Variants in VPS33A observed in about 807,000 individuals in gnomAD.
The protein encoded by VPS33A is vacuolar protein sorting-associated protein 33A.
In VPS33A, 32 loss-of-function variants were observed where a neutral mutation model predicts 71.8. The ratio of observed to expected loss-of-function variants is 0.45; its 90% CI spans 0.34 to 0.60. VPS33A has a LOEUF of 0.60. VPS33A is among the 20% of genes least tolerant of loss of function. The pLI is 0.02. For missense variants in VPS33A, 625 were observed against 748.5 expected, an observed-to-expected ratio of 0.84 and a Z score of 1.92; for synonymous variants, 311 against 292.7, an observed-to-expected ratio of 1.06 and a Z score of -0.64.
chr12:122,245,435 C>A (rs926861330), intron 6 of VPS33A, among the ~76,000 whole-genome samples: 1 of 151,118 alleles, frequency 6.6e-6, no homozygotes, highest in Admixed American at 6.6e-5. Flanking sequence ...AAACTCTGTT[C>A]ACGTTCTGTT....
At chr12:122,251,990 G>C (rs552931278) in intron 4 of VPS33A, among the ~76,000 whole-genome samples, 1 of 152,076 alleles carries the variant, frequency 6.6e-6, no homozygotes, top group Admixed American at 6.6e-5. Context: ...AGGTGCAGTG[G>C]CTCATGGCTG....
chr12:122,265,718 G>A (rs1955059224), intron 1 of VPS33A: 1 of 454,566 alleles, frequency 2.2e-6, no homozygotes, highest in South Asian at 1.6e-5. Context: ...TAGGGTGACT[G>A]ATAAACCCTA....
intron 4 of VPS33A, among the ~76,000 whole-genome samples, chr12:122,251,920 T>TA (rs76806704): frequency 0.1 from 12,478 of 123,790 alleles, 1,679 homozygotes; most frequent in African/African-American, 0.31. Context: ...ACTTAAAGTA[T>TA]AAAAAAAAAA....
intron 4 of VPS33A, among the ~76,000 whole-genome samples, chr12:122,259,678 A>T (rs1954967209): frequency 6.6e-6 from 1 of 152,252 alleles, no homozygotes. Flanking sequence ...CTATTCAGCA[A>T]TAAGAAGGAA....
chr12:122,239,016 CA>C lies in VPS33A; in HGVS notation c.1165-293del, dbSNP rs1566039467. Among the ~76,000 whole-genome samples the C allele has an allele frequency of 5.5e-4, 84 of 151,616 alleles. 1 individual carries two copies. Among genetic ancestry groups the C allele is most frequent in the African/African-American group, 1.9e-3 (80 of 41,224 alleles). On this transcript the variant is annotated intron_variant, in intron 9 of 12. Transcript: ENST00000267199. Reference sequence around the variant, plus strand: ...ATACATACACACACACACACACACACACACACCCCCCAGTGATCAGGCCAAG... The same window carrying C: ...ATACATACACACACACACACACACACCACACCCCCCAGTGATCAGGCCAAG...
chr12:122,232,948 A>G lies in VPS33A; in HGVS notation c.1461T>C (p.Tyr487=), dbSNP rs755499729. The change falls in exon 12 of 13, where the codon TAT becomes TAC. Residue 487 remains tyrosine, a synonymous_variant. Transcript: ENST00000267199. The part of the protein sequence containing the change: ...VNEQNPTDIS[Y]VYSGYAPLSV... ...TGAGCGGGGCATACCCACTGTACAC[A>G]TACGATATGTCCGTGGGGTTCTGTG... 1.9e-6 allele frequency: 3 copies of G among 1,610,900 alleles called. No individual in the cohort carries two copies. Among genetic ancestry groups the G allele is most frequent in the Non-Finnish European group, 2.5e-6 (3 of 1,178,348 alleles).
At chr12:122,235,335 G>C (rs927391955) in intron 11 of VPS33A, among the ~76,000 whole-genome samples, 5 of 150,416 alleles carry the variant, frequency 3.3e-5, no homozygotes, top group African/African-American at 1.2e-4. Context: ...CATGATCTGA[G>C]CTCACTACAA....
At chr12:122,262,457 C>G (rs1354675339) in intron 3 of VPS33A, among the ~76,000 whole-genome samples, 1 of 152,196 alleles carries the variant, frequency 6.6e-6, no homozygotes, top group Non-Finnish European at 1.5e-5. Context: ...GACTCCCACT[C>G]CTACTCTCCT....
intron 2 of VPS33A, 28 bp downstream of exon 2, chr12:122,264,106 C>A: frequency 6.7e-7 from 1 of 1,496,868 alleles, no homozygotes; most frequent in Admixed American, 2.0e-5. Flanking sequence ...TTATTAATCC[C>A]CTAACAAAAC....
At chr12:122,235,287 CAG>C (rs1428879775) in intron 11 of VPS33A, among the ~76,000 whole-genome samples, 2 of 143,156 alleles carry the variant, frequency 1.4e-5, no homozygotes, top group African/African-American at 5.2e-5. Context: ...TTTTTTGAGA[CAG>C]AGTCTTGCTC....
At chr12:122,258,566 T>C (rs967161301) in intron 4 of VPS33A, among the ~76,000 whole-genome samples, 2 of 152,112 alleles carry the variant, frequency 1.3e-5, no homozygotes, top group East Asian at 3.8e-4. Flanking sequence ...CAGACATTTG[T>C]TTAGCTGAAG....
intron 3 of VPS33A, among the ~76,000 whole-genome samples, chr12:122,262,060 G>A (rs1025792316): frequency 2.0e-5 from 3 of 151,702 alleles, no homozygotes; most frequent in Non-Finnish European, 4.4e-5. Flanking sequence ...GCATGGTGGT[G>A]TGTGCCTGTA....
chr12:122,243,004 G>T (rs1428607844), intron 7 of VPS33A, among the ~76,000 whole-genome samples: 1 of 152,150 alleles, frequency 6.6e-6, no homozygotes, highest in African/African-American at 2.4e-5. Flanking sequence ...AGAGGTCATG[G>T]TGCCTGTCTC....
chr12:122,236,536 A>G (rs1020205627), intron 10 of VPS33A, among the ~76,000 whole-genome samples: 3 of 152,294 alleles, frequency 2.0e-5, no homozygotes, highest in African/African-American at 7.2e-5. Flanking sequence ...GCTACTCGGG[A>G]GGCTGAGGCA....
chr12:122,241,725 T>C (rs1954717950), intron 8 of VPS33A, among the ~76,000 whole-genome samples: 1 of 151,702 alleles, frequency 6.6e-6, no homozygotes, highest in African/African-American at 2.4e-5. Context: ...CCTGAGTAGC[T>C]GTAACTACAG....
Position 122,232,065 on chromosome 12 carries a change from A to G in VPS33A, c.*181T>C, listed in dbSNP as rs1432582672. ...GAGCAAGACTCCGTCTCAAAGGAAA[A>G]AAAAAAAGGGAATACAAAAGAGACG... On this transcript the variant is annotated 3_prime_UTR_variant, in exon 13 of 13. Coordinates refer to ENST00000267199, the MANE Select transcript of VPS33A (RefSeq NM_022916.6). 1 of 602,280 alleles carries G rather than the reference A, an allele frequency of 1.7e-6. No individual in the cohort carries two copies. Among genetic ancestry groups the G allele is most frequent in the Non-Finnish European group, 2.7e-6 (1 of 376,494 alleles). The allele number at this position is 602,280 out of a possible 1,614,324, so 37.3% of individuals were successfully genotyped here. A position where few individuals can be genotyped will look rare whatever the true frequency, so the allele number is the denominator to read the frequency against.
At chr12:122,254,766 T>C (rs1470176577) in intron 4 of VPS33A, among the ~76,000 whole-genome samples, 1 of 152,028 alleles carries the variant, frequency 6.6e-6, no homozygotes, top group African/African-American at 2.4e-5. Context: ...TAGAAAATAG[T>C]TCTGGCCAGG....
In VPS33A at chr12:122,254,653, C is replaced by A. The variant is rs559966947; in HGVS notation, c.484-3554G>T. ...CTCGAACTACTGACCATAGATGATC[C>A]GCCCACCTCAGCCTCCCAAAGTGCT... On this transcript the variant is annotated intron_variant, in intron 4 of 12. Transcript: ENST00000267199. Among the ~76,000 whole-genome samples, 17 of 152,208 alleles carry A rather than the reference C, an allele frequency of 1.1e-4. No homozygotes were observed. The South Asian group carries it at 3.5e-3, about 32-fold the overall frequency.
intron 7 of VPS33A, among the ~76,000 whole-genome samples, chr12:122,243,497 C>T (rs1954740483): frequency 6.6e-6 from 1 of 152,206 alleles, no homozygotes; most frequent in South Asian, 2.1e-4. Flanking sequence ...CCTCAGCCTC[C>T]GACAGTGCCG....
Sources: gnomAD v4.1 joint callset for allele counts (sites outside exome capture counted in the v4.1 genomes callset) on GRCh38, gnomAD v4.1.1 for gene constraint, MANE v1.5 for transcripts, NCBI Gene and HGNC (gene_info 2026-07-23, HGNC 2026-07-21) for gene names.